The following RASA2 variants were observed in gnomAD, a reference collection of about 807,000 sequenced individuals.
RASA2 encodes the protein RAS p21 protein activator 2.
Under a neutral mutation model 118.2 loss-of-function variants are expected in RASA2, and 155 were observed. The observed-to-expected ratio is 1.31, with a 90% CI of 1.15 to 1.50. The LOEUF is 1.50. RASA2 is among the 40% of genes most tolerant of loss of function. The probability of loss-of-function intolerance (pLI) is 0.00; values close to 1 mark genes in which losing one functional copy is unlikely to be tolerated. For synonymous variants in RASA2, 353 were observed against 349.1 expected, an observed-to-expected ratio of 1.01 and a Z score of -0.12; for missense variants, 1,016 against 1,009.6, an observed-to-expected ratio of 1.01 and a Z score of -0.09.
At chr3:141,517,511 C>T (rs1338714354) in intron 3 of RASA2, among the ~76,000 whole-genome samples, 1 of 152,130 alleles carries the variant, frequency 6.6e-6, no homozygotes, top group Non-Finnish European at 1.5e-5. Flanking sequence ...CATGAGAACT[C>T]ACTGTCATGA....
intron 1 of RASA2, among the ~76,000 whole-genome samples, chr3:141,510,898 G>T (rs538709408): frequency 1.8e-4 from 27 of 152,338 alleles, no homozygotes; most frequent in African/African-American, 5.8e-4. Flanking sequence ...TGGAGGAGGA[G>T]AGTGAGTGAG....
chr3:141,515,951 C>T (rs2082017340), intron 2 of RASA2, among the ~76,000 whole-genome samples: 1 of 138,826 alleles, frequency 7.2e-6, no homozygotes, highest in African/African-American at 2.7e-5. Context: ...ATCGCAAAGA[C>T]AAAAAAACCA....
intron 2 of RASA2, among the ~76,000 whole-genome samples, chr3:141,512,515 C>T (rs1042726144): frequency 2.6e-5 from 4 of 152,048 alleles, no homozygotes; most frequent in African/African-American, 9.7e-5. Context: ...TTGAACTTTC[C>T]TCAAAGTACA....
chr3:141,557,705 G>A (rs1485485372), intron 7 of RASA2, among the ~76,000 whole-genome samples: 1 of 152,100 alleles, frequency 6.6e-6, no homozygotes, highest in Non-Finnish European at 1.5e-5. Context: ...TACTTTAGGT[G>A]TAAGAAAAAT....
rs190302037 is a variant in RASA2 at position 141,526,853 on chromosome 3, G to T, written c.356-2855G>T. ...AGGACAAGAAACATTCAACTCTTCA[G>T]TGACAGTGAATGTCATGATACTCAT... On this transcript the variant is annotated intron_variant, in intron 3 of 23. Transcript: ENST00000286364. 1.6e-4 allele frequency among the ~76,000 whole-genome samples: 25 copies of T among 152,352 alleles called. No individual in the cohort carries two copies. In the East Asian group the frequency reaches 4.8e-3, roughly 29 times the overall value.
Position 141,612,437 on chromosome 3 carries a change from A to C in RASA2, c.*124A>C. On this transcript the variant is annotated 3_prime_UTR_variant, in exon 24 of 24. Transcript: ENST00000286364. ...CCGCTTCAATGTCATCTGCCTCCAC[A>C]TTGTATTTAATATTTAATAATTGAA... is the stretch of plus-strand genomic sequence containing the variant. 1 of 679,824 alleles carries C rather than the reference A, an allele frequency of 1.5e-6. No individual in the cohort carries two copies. Among genetic ancestry groups the C allele is most frequent in the East Asian group, 3.0e-5 (1 of 33,500 alleles). The allele number at this position is 679,824 out of a possible 1,614,324, so 42.1% of individuals were successfully genotyped here.
chr3:141,550,541 G>A (rs1183904912), intron 5 of RASA2, among the ~76,000 whole-genome samples: 1 of 152,166 alleles, frequency 6.6e-6, no homozygotes, highest in Non-Finnish European at 1.5e-5. Flanking sequence ...TTCTGCTGTG[G>A]TTCTACAAAA....
intron 5 of RASA2, among the ~76,000 whole-genome samples, chr3:141,544,033 G>A (rs2082446826): frequency 6.6e-6 from 1 of 151,768 alleles, no homozygotes; most frequent in South Asian, 2.1e-4. Context: ...GCACCACCAT[G>A]CCCAGCTAAT....
intron 2 of RASA2, among the ~76,000 whole-genome samples, chr3:141,512,954 T>G (rs1436860901): frequency 6.6e-6 from 1 of 151,872 alleles, no homozygotes; most frequent in East Asian, 1.9e-4. Context: ...TCTCAGCTAC[T>G]TGGGAGGCTG....
chr3:141,597,172 A>T (rs1473805529), intron 19 of RASA2, among the ~76,000 whole-genome samples: 1 of 152,100 alleles, frequency 6.6e-6, no homozygotes. Flanking sequence ...AGGCCAAGGT[A>T]GGAGGATGAC....
chr3:141,577,320 A>G (rs997205866), intron 15 of RASA2, among the ~76,000 whole-genome samples: 5 of 152,140 alleles, frequency 3.3e-5, no homozygotes, highest in African/African-American at 1.2e-4. Context: ...GAGTAATAAA[A>G]TGTTGTTAAT....
chr3:141,577,207 A>T (rs1050282333), intron 15 of RASA2, 101 bp downstream of exon 15: 2 of 806,926 alleles, frequency 2.5e-6, no homozygotes, highest in East Asian at 6.2e-5. Context: ...GTATTTTCTT[A>T]TAACTGATAC....
At chr3:141,539,066 T>G (rs2082369122) in intron 4 of RASA2, among the ~76,000 whole-genome samples, 1 of 152,162 alleles carries the variant, frequency 6.6e-6, no homozygotes, top group Non-Finnish European at 1.5e-5. Context: ...TTGGCTCCCT[T>G]GCTAGCCAAG....
chr3:141,539,563 AACTTTCCT>A (rs1428716455), intron 4 of RASA2, among the ~76,000 whole-genome samples: 1 of 152,194 alleles, frequency 6.6e-6, no homozygotes, highest in Admixed American at 6.5e-5. Flanking sequence ...CTAGATAATG[AACTTTCCT>A]ACCTCTAATG....
intron 17 of RASA2, among the ~76,000 whole-genome samples, chr3:141,583,296 G>A (rs570234589): frequency 9.9e-5 from 15 of 152,076 alleles, no homozygotes; most frequent in East Asian, 5.8e-4. Flanking sequence ...CTGGTGGCAC[G>A]TGCCTGTAAT....
Position 141,608,581 on chromosome 3 carries a change from G to A in RASA2, c.2109G>A (p.Val703=), listed in dbSNP as rs2107801613. ...ANEWIDVLCR[V]SRCNQNRLSF... ...AATGGATAGACGTACTCTGCAGGGT[G>A]AGCCGATGCAATCAAAACAGGCTCA... The change falls in exon 21 of 24, where the codon GTG becomes GTA. Residue 703 remains valine (V), a synonymous_variant. Coordinates refer to ENST00000286364, the MANE Select transcript of RASA2 (RefSeq NM_006506.5). The A allele has an allele frequency of 1.2e-6, 2 of 1,613,978 alleles. No individual in the cohort carries two copies. The highest frequency in any genetic ancestry group is 1.1e-5 in the South Asian group (1 of 91,086).
Position 141,529,754 on chromosome 3 carries a change from A to C in RASA2, c.402A>C (p.Lys134Asn). ...KKEDLCNHSG[K>N]ETWFSLQPVD... ...AAGACTTGTGTAATCACAGTGGCAA[A>C]GAAACTTGGTTTTCATTACAGCCTG... Residue 134 changes from lysine (K) to asparagine (N), a missense_variant, in exon 4 of 24, where the codon AAA becomes AAC. Lys to Asn is a moderately conservative substitution (Grantham distance 94). This residue lies in a region of RASA2 where 896 missense variants were observed against 836.4 expected (regional missense o/e 1.07). Transcript: ENST00000286364. 1 of 1,612,606 alleles carries C rather than the reference A, an allele frequency of 6.2e-7. No homozygotes were observed. The highest frequency in any genetic ancestry group is 8.5e-7 in the Non-Finnish European group (1 of 1,178,964).
intron 1 of RASA2, among the ~76,000 whole-genome samples, chr3:141,503,629 A>G (rs1324489628): frequency 6.6e-6 from 1 of 152,142 alleles, no homozygotes; most frequent in African/African-American, 2.4e-5. Context: ...GCCTTCCTTG[A>G]GCTACCTCAT....
chr3:141,597,605 AT>A (rs2083393548), intron 19 of RASA2, among the ~76,000 whole-genome samples: 1 of 152,214 alleles, frequency 6.6e-6, no homozygotes, highest in Admixed American at 6.5e-5. Context: ...ATGAATTGAT[AT>A]GTCAAATAGG....
Sources: gnomAD v4.1 joint callset for allele counts (sites outside exome capture counted in the v4.1 genomes callset) on GRCh38, gnomAD v4.1.1 for gene constraint, gnomAD v4.1.1 regional missense constraint, MANE v1.5 for transcripts, NCBI Gene and HGNC (gene_info 2026-07-23, HGNC 2026-07-21) for gene names.